Variants in FBN2 observed in about 807,000 individuals in gnomAD.
FBN2 encodes the protein fibrillin-2.
Under a neutral mutation model 355.6 loss-of-function variants are expected in FBN2, and 105 were observed. That is an observed-to-expected ratio of 0.30 (90% CI 0.25 to 0.35). The LOEUF is 0.35. Among genes scored for constraint, FBN2 ranks in the 10% least tolerant of loss-of-function variants. The pLI is 1.00. For synonymous variants in FBN2, 1,350 were observed against 1,301.2 expected, an observed-to-expected ratio of 1.04 and a Z score of -0.81; for missense variants, 3,280 against 3,758.7, an observed-to-expected ratio of 0.87 and a Z score of 3.33.
At chr5:128,273,302 G>A (rs1765309843) in intron 61 of FBN2, among the ~76,000 whole-genome samples, 1 of 152,128 alleles carries the variant, frequency 6.6e-6, no homozygotes, top group African/African-American at 2.4e-5. Flanking sequence ...TGTTCCCTTG[G>A]ATTTTACAGG....
chr5:128,269,803 C>T lies in FBN2; in HGVS notation c.7960+2196G>A, dbSNP rs535650162. Among the ~76,000 whole-genome samples, 33 of 152,272 alleles carry T rather than the reference C, an allele frequency of 2.2e-4. 1 individual carries two copies. Among genetic ancestry groups the T allele is most frequent in the Admixed American group, 1.8e-3 (27 of 15,290 alleles). ...AACATTGTGAAAATGGCCATACTGC[C>T]CAAAGTAATTTATAGATTCAATGCT... On this transcript the variant is annotated intron_variant, in intron 62 of 64. Transcript: ENST00000262464.
intron 25 of FBN2, among the ~76,000 whole-genome samples, chr5:128,342,211 A>T (rs1561780053): frequency 6.6e-6 from 1 of 152,126 alleles, no homozygotes. Context: ...GCAACACCCA[A>T]GAAATGGGAA....
chr5:128,376,950 A>C, intron 13 of FBN2, 97 bp from the exon 14 acceptor site: 2 of 1,431,398 alleles, frequency 1.4e-6, no homozygotes, highest in Non-Finnish European at 9.8e-7. Context: ...CACTACCTAA[A>C]TGAGCCATGT....
intron 5 of FBN2, among the ~76,000 whole-genome samples, chr5:128,507,680 T>A (rs1045166354): frequency 6.6e-6 from 1 of 152,104 alleles, no homozygotes; most frequent in African/African-American, 2.4e-5. Flanking sequence ...GTTCATTATC[T>A]ACTTAATATC....
intron 46 of FBN2, among the ~76,000 whole-genome samples, chr5:128,302,757 T>C (rs1222586883): frequency 1.3e-5 from 2 of 152,208 alleles, no homozygotes; most frequent in Non-Finnish European, 2.9e-5. Context: ...ATTGGCTGAT[T>C]GACAAAAGGA....
chr5:128,431,776 C>T (rs1753633576), intron 7 of FBN2, among the ~76,000 whole-genome samples: 1 of 152,148 alleles, frequency 6.6e-6, no homozygotes, highest in Non-Finnish European at 1.5e-5. Flanking sequence ...GACAGTGAAT[C>T]TGATAACTGA....
intron 8 of FBN2, among the ~76,000 whole-genome samples, chr5:128,406,305 T>C (rs1752926556): frequency 6.6e-6 from 1 of 152,202 alleles, no homozygotes; most frequent in African/African-American, 2.4e-5. Context: ...TTATCACACA[T>C]TGTGGCTGTA....
chr5:128,259,876 A>C (rs1711497283), intron 64 of FBN2, 47 bp from the exon 65 acceptor site: 2 of 1,604,756 alleles, frequency 1.2e-6, no homozygotes, highest in Non-Finnish European at 8.5e-7. Context: ...CTACAGCACA[A>C]GCAGAGGACT....
intron 5 of FBN2, among the ~76,000 whole-genome samples, chr5:128,513,721 T>C (rs879825201): frequency 7.9e-5 from 12 of 152,230 alleles, no homozygotes; most frequent in Non-Finnish European, 1.5e-4. Context: ...TTTAAGTCCT[T>C]CCTTTATACA....
intron 24 of FBN2, among the ~76,000 whole-genome samples, chr5:128,344,915 G>A (rs1346106970): frequency 1.3e-5 from 2 of 151,460 alleles, no homozygotes; most frequent in Non-Finnish European, 2.9e-5. Context: ...TGGTCAGGCT[G>A]GTCTTGAACT....
intron 6 of FBN2, among the ~76,000 whole-genome samples, chr5:128,461,874 A>G (rs923749058): frequency 6.6e-6 from 1 of 151,954 alleles, no homozygotes; most frequent in Non-Finnish European, 1.5e-5. Flanking sequence ...GGGAACTTAG[A>G]GGACAGGTCA....
intron 33 of FBN2, among the ~76,000 whole-genome samples, chr5:128,329,300 A>G (rs1246697001): frequency 2.0e-5 from 3 of 152,196 alleles, no homozygotes; most frequent in Admixed American, 1.3e-4. Flanking sequence ...CTTTCATGTC[A>G]TTACAATCTT....
At chr5:128,455,315 G>C (rs1754351242) in intron 6 of FBN2, among the ~76,000 whole-genome samples, 1 of 152,078 alleles carries the variant, frequency 6.6e-6, no homozygotes. Flanking sequence ...AGTTAACTTT[G>C]GTCCTTTAAT....
chr5:128,318,085 A>C, intron 36 of FBN2, 64 bp downstream of exon 36: 1 of 1,546,034 alleles, frequency 6.5e-7, no homozygotes, highest in Admixed American at 1.7e-5. Flanking sequence ...ACGGTTCATT[A>C]TCAAGAGAGT....
At chr5:128,408,466 A>G (rs1752987190) in intron 8 of FBN2, among the ~76,000 whole-genome samples, 1 of 152,218 alleles carries the variant, frequency 6.6e-6, no homozygotes. Flanking sequence ...CTTTGACAAC[A>G]TAAAACAAAC....
chr5:128,400,809 G>A (rs745512990), intron 8 of FBN2, among the ~76,000 whole-genome samples: 1 of 152,154 alleles, frequency 6.6e-6, no homozygotes, highest in African/African-American at 2.4e-5. Context: ...TAAAAATGCT[G>A]ATATGGTTTG....
intron 7 of FBN2, among the ~76,000 whole-genome samples, chr5:128,427,103 A>T (rs1405397130): frequency 6.6e-6 from 1 of 152,170 alleles, no homozygotes; most frequent in Non-Finnish European, 1.5e-5. Flanking sequence ...GCTGTCTAAC[A>T]GATGTCTCAA....
chr5:128,389,809 T>C (rs369986680), intron 11 of FBN2, among the ~76,000 whole-genome samples: 2 of 152,324 alleles, frequency 1.3e-5, no homozygotes, highest in African/African-American at 4.8e-5. Flanking sequence ...GAACAAGTCC[T>C]GGCACTTGGC....
chr5:128,478,826 C>T (rs1755072724), intron 5 of FBN2, among the ~76,000 whole-genome samples: 1 of 152,078 alleles, frequency 6.6e-6, no homozygotes. Flanking sequence ...CTTTCAGGGG[C>T]CCTTAATGTA....
Sources: gnomAD v4.1 joint callset for allele counts (sites outside exome capture counted in the v4.1 genomes callset) on GRCh38, gnomAD v4.1.1 for gene constraint, MANE v1.5 for transcripts, NCBI Gene and HGNC (gene_info 2026-07-23, HGNC 2026-07-21) for gene names.